Variants in FAM107B observed in about 807,000 individuals in gnomAD.
The protein encoded by FAM107B is protein FAM107B.
Under a neutral mutation model 31.5 loss-of-function variants are expected in FAM107B, and 21 were observed. The observed-to-expected ratio is 0.67, with a 90% CI of 0.47 to 0.96. The LOEUF is 0.96. Among genes scored for constraint, FAM107B ranks in the 40% least tolerant of loss-of-function variants. The probability of loss-of-function intolerance (pLI) is 0.00; values close to 1 mark genes in which losing one functional copy is unlikely to be tolerated. For missense variants in FAM107B, 452 were observed against 377.1 expected (o/e 1.20, Z -1.64); for synonymous variants, 157 against 141.5 (o/e 1.11, Z -0.78).
At chr10:14,603,032 A>C (rs201678548) in intron 2 of FAM107B, among the ~76,000 whole-genome samples, 6 of 95,504 alleles carry the variant, frequency 6.3e-5, no homozygotes, top group South Asian at 3.5e-4. Context: ...CACACACACA[A>C]ACACACTATG....
intron 2 of FAM107B, among the ~76,000 whole-genome samples, chr10:14,549,010 G>C (rs760175993): frequency 1.3e-5 from 2 of 152,144 alleles, no homozygotes; most frequent in Admixed American, 6.5e-5. Flanking sequence ...GAGGAAAAGA[G>C]ACCAGAGCTC....
chr10:14,646,840 C>T (rs1053510010), intron 2 of FAM107B, among the ~76,000 whole-genome samples: 5 of 125,910 alleles, frequency 4.0e-5, no homozygotes, highest in African/African-American at 1.5e-4. Context: ...GTCACCCAGG[C>T]TGGAGTGCAG....
At chr10:14,732,711 A>G (rs111277020) in intron 1 of FAM107B, among the ~76,000 whole-genome samples, 2 of 150,920 alleles carry the variant, frequency 1.3e-5, no homozygotes, top group Non-Finnish European at 2.9e-5. Flanking sequence ...GAAGGCATAC[A>G]TAATAATAAT....
intron 1 of FAM107B, among the ~76,000 whole-genome samples, chr10:14,673,582 G>A (rs980360317): frequency 1.3e-5 from 2 of 152,168 alleles, no homozygotes; most frequent in Admixed American, 6.5e-5. Context: ...ATTGTGAATA[G>A]TGCTGCAATA....
At chr10:14,771,418 G>A (rs891746707) in intron 1 of FAM107B, among the ~76,000 whole-genome samples, 2 of 152,218 alleles carry the variant, frequency 1.3e-5, no homozygotes, top group African/African-American at 4.8e-5. Flanking sequence ...CGATAGTACG[G>A]TGGAGAAGTT....
At chr10:14,592,944 C>T (rs572771513) in intron 2 of FAM107B, among the ~76,000 whole-genome samples, 1 of 152,172 alleles carries the variant, frequency 6.6e-6, no homozygotes, top group East Asian at 1.9e-4. Context: ...GCTTCCAGCT[C>T]AAGTCGTGAG....
At chr10:14,521,763 T>C in intron 4 of FAM107B, 106 bp downstream of exon 4, 1 of 1,449,456 alleles carries the variant, frequency 6.9e-7, no homozygotes, top group African/African-American at 1.4e-5. Context: ...TCTTTCATGG[T>C]ATAAATGTAT....
chr10:14,604,436 CGGGGCGGGGA>C (rs1454680545), intron 2 of FAM107B: 1 of 168,628 alleles, frequency 5.9e-6, no homozygotes, highest in Non-Finnish European at 1.2e-5. Context: ...AATTAAGCGG[CGGGGCGGGGA>C]GGGGCGGGGC....
At chr10:14,677,754 A>C (rs886738760) in intron 1 of FAM107B, among the ~76,000 whole-genome samples, 3 of 152,218 alleles carry the variant, frequency 2.0e-5, no homozygotes, top group African/African-American at 7.2e-5. Flanking sequence ...CCCAGGACGC[A>C]GGACTTTCAG....
rs551995189 is a variant in FAM107B, at chr10:14,674,173, T to C, written c.412-6482A>G. Among the ~76,000 whole-genome samples, 3 of 152,246 alleles carry C rather than the reference T, an allele frequency of 2.0e-5. No individual in the cohort carries two copies. The South Asian group carries it at 6.2e-4, about 32-fold the overall frequency. On this transcript the variant is annotated intron_variant, in intron 1 of 4. Transcript: ENST00000181796. ...GAGAAGAAAACATAGGGAAAACACT[T>C]CAGCACATTGGTCTAGGCAAAGGTT...
intron 1 of FAM107B, among the ~76,000 whole-genome samples, chr10:14,674,638 G>A (rs58784787): frequency 0.091 from 13,788 of 152,170 alleles, 731 homozygotes; most frequent in East Asian, 0.23. Flanking sequence ...TAATTGTCTC[G>A]TTAACTCCCC....
chr10:14,671,872 T>TA (rs1294969542), intron 1 of FAM107B, among the ~76,000 whole-genome samples: 7,038 of 33,074 alleles, frequency 0.21, 261 homozygotes, highest in Non-Finnish European at 0.35. Flanking sequence ...CCCTTTTATT[T>TA]AAAAAAAAAA....
chr10:14,680,681 G>A (rs1230742680), intron 1 of FAM107B, among the ~76,000 whole-genome samples: 2 of 151,974 alleles, frequency 1.3e-5, no homozygotes, highest in Non-Finnish European at 2.9e-5. Flanking sequence ...CATTCTTCTG[G>A]CAAATTCCCA....
At chr10:14,608,521 G>T (rs915014299) in intron 2 of FAM107B, among the ~76,000 whole-genome samples, 1 of 152,194 alleles carries the variant, frequency 6.6e-6, no homozygotes, top group African/African-American at 2.4e-5. Flanking sequence ...TGGGAGGTTG[G>T]CCAGGGACTG....
At chr10:14,681,905 G>C (rs11259268) in intron 1 of FAM107B, among the ~76,000 whole-genome samples, 1 of 152,096 alleles carries the variant, frequency 6.6e-6, no homozygotes, top group Non-Finnish European at 1.5e-5. Context: ...GTTTAGTGTC[G>C]TGGTTGATAT....
chr10:14,526,871 T>C (rs1218955018), intron 3 of FAM107B, among the ~76,000 whole-genome samples: 1 of 151,796 alleles, frequency 6.6e-6, no homozygotes, highest in Non-Finnish European at 1.5e-5. Flanking sequence ...GGAGTCTCGC[T>C]TTGTCACCCA....
intron 3 of FAM107B, among the ~76,000 whole-genome samples, chr10:14,527,437 A>T (rs1846404152): frequency 6.6e-6 from 1 of 152,256 alleles, no homozygotes; most frequent in Admixed American, 6.5e-5. Context: ...TGTAACACAT[A>T]ATCTCTGAAA....
At chr10:14,701,968 C>T (rs567432762) in intron 1 of FAM107B, among the ~76,000 whole-genome samples, 45 of 152,256 alleles carry the variant, frequency 3.0e-4, no homozygotes, top group Non-Finnish European at 6.0e-4. Context: ...AACAAACTTT[C>T]AGAGGTTCAG....
At chr10:14,601,560 C>A (rs1004795306) in intron 2 of FAM107B, among the ~76,000 whole-genome samples, 8 of 152,158 alleles carry the variant, frequency 5.3e-5, no homozygotes, top group African/African-American at 1.9e-4. Flanking sequence ...CATCCCACTC[C>A]ACAGCAGCTT....
Sources: allele counts gnomAD v4.1 joint callset (sites outside exome capture counted in the v4.1 genomes callset), GRCh38; gene constraint gnomAD v4.1.1; transcripts MANE v1.5; gene names NCBI Gene and HGNC (gene_info 2026-07-23, HGNC 2026-07-21).